NCKAP5: variants seen among roughly 807,000 people sequenced by gnomAD.
The protein encoded by NCKAP5 is NCK associated protein 5.
In NCKAP5, 92 loss-of-function variants were observed where a neutral mutation model predicts 167.0. That is an observed-to-expected ratio of 0.55 (90% CI 0.47 to 0.66). The LOEUF is 0.66. NCKAP5 is among the 30% of genes least tolerant of loss of function. NCKAP5 has a pLI of 0.00. For missense variants in NCKAP5, 2,378 were observed against 2,315.0 expected (o/e 1.03, Z -0.56); for synonymous variants, 891 against 877.4 (o/e 1.02, Z -0.27).
chr2:133,086,942 A>G (rs1478181567), intron 6 of NCKAP5, among the ~76,000 whole-genome samples: 1 of 152,166 alleles, frequency 6.6e-6, no homozygotes, highest in Non-Finnish European at 1.5e-5. Context: ...CAATGCTATC[A>G]TGTTGACATT....
chr2:133,308,725 G>A (rs1440328902), intron 3 of NCKAP5, among the ~76,000 whole-genome samples: 5 of 101,938 alleles, frequency 4.9e-5, no homozygotes, highest in South Asian at 3.4e-4. Flanking sequence ...TTTTTGAGAC[G>A]GAGTCTTGCT....
chr2:133,545,835 A>G (rs1484656452), intron 2 of NCKAP5, among the ~76,000 whole-genome samples: 1 of 152,242 alleles, frequency 6.6e-6, no homozygotes, highest in Non-Finnish European at 1.5e-5. Context: ...TGGCTTAAGC[A>G]TAATCCCAAT....
chr2:133,408,196 T>C (rs1189155056), intron 3 of NCKAP5, among the ~76,000 whole-genome samples: 1 of 152,204 alleles, frequency 6.6e-6, no homozygotes, highest in African/African-American at 2.4e-5. Flanking sequence ...GGCATGATGA[T>C]GATGAGGAGA....
intron 11 of NCKAP5, among the ~76,000 whole-genome samples, chr2:132,859,701 C>T (rs1442239166): frequency 2.0e-5 from 3 of 152,298 alleles, no homozygotes; most frequent in East Asian, 1.9e-4. Context: ...CCCTGTGAAA[C>T]CTCGATGCAG....
At chr2:133,548,639 G>C (rs1686977675) in intron 2 of NCKAP5, among the ~76,000 whole-genome samples, 1 of 151,980 alleles carries the variant, frequency 6.6e-6, no homozygotes, top group Admixed American at 6.6e-5. Flanking sequence ...AGCTTCATAA[G>C]TGAAGGAGAA....
intron 9 of NCKAP5, among the ~76,000 whole-genome samples, chr2:132,876,848 C>A (rs553888769): frequency 6.6e-6 from 1 of 152,116 alleles, no homozygotes; most frequent in Admixed American, 6.5e-5. Flanking sequence ...ATGAAACGTA[C>A]GGAGTGCAGG....
chr2:133,072,432 C>T (rs911843155), intron 6 of NCKAP5, among the ~76,000 whole-genome samples: 2 of 152,084 alleles, frequency 1.3e-5, no homozygotes, highest in African/African-American at 4.8e-5. Context: ...GCCAGCCCTC[C>T]ACCATAACAA....
At chr2:133,526,207 G>A (rs181682025) in intron 2 of NCKAP5, among the ~76,000 whole-genome samples, 3,536 of 134,734 alleles carry the variant, frequency 0.026, 112 homozygotes, top group South Asian at 0.048. Flanking sequence ...AAGGAAGGAA[G>A]GAAGGAAGGA....
At chr2:133,544,552 C>T (rs1227677326) in intron 2 of NCKAP5, among the ~76,000 whole-genome samples, 1 of 152,100 alleles carries the variant, frequency 6.6e-6, no homozygotes, top group Non-Finnish European at 1.5e-5. Flanking sequence ...TTAATGATGA[C>T]TCGGGCTCCA....
chr2:133,394,055 A>G (rs910112356), intron 3 of NCKAP5, among the ~76,000 whole-genome samples: 1 of 152,240 alleles, frequency 6.6e-6, no homozygotes, highest in African/African-American at 2.4e-5. Context: ...ACAAAGACAA[A>G]TTAGACAGAC....
chr2:132,889,591 G>A lies in NCKAP5; in HGVS notation c.580-10675C>T, dbSNP rs150572898. Among the ~76,000 whole-genome samples the A allele has an allele frequency of 1.5e-3, 222 of 152,078 alleles. 1 individual carries two copies. The highest frequency in any genetic ancestry group is 5.2e-3 in the African/African-American group (214 of 41,478). ...CAGATGAGGTAGGAAAGAGGTGACCGACCCTTGAATCAGTCTACTCAACAG... is the reference window on the plus strand; with the variant it reads ...CAGATGAGGTAGGAAAGAGGTGACCAACCCTTGAATCAGTCTACTCAACAG... On this transcript the variant is annotated intron_variant, in intron 8 of 19. Transcript: ENST00000409261.
At chr2:132,853,065 T>C (rs2105493298) in intron 11 of NCKAP5, among the ~76,000 whole-genome samples, 2 of 152,316 alleles carry the variant, frequency 1.3e-5, no homozygotes, top group South Asian at 4.1e-4. Context: ...CCCATGAATA[T>C]GATTGTGCAG....
At chr2:133,662,530 A>C in the NCKAP5 span, among the ~76,000 whole-genome samples, 2 of 150,738 alleles carry the variant, frequency 1.3e-5, no homozygotes, top group African/African-American at 4.9e-5. Flanking sequence ...GAATTAGTAG[A>C]TACAACTATG....
chr2:132,940,880 A>G (rs1170547251), intron 8 of NCKAP5, among the ~76,000 whole-genome samples: 2 of 151,974 alleles, frequency 1.3e-5, no homozygotes, highest in East Asian at 3.8e-4. Context: ...TGATAATTAT[A>G]TTATCAATTA....
At chr2:133,156,601 A>G (rs561264319) in intron 5 of NCKAP5, among the ~76,000 whole-genome samples, 2 of 152,274 alleles carry the variant, frequency 1.3e-5, no homozygotes, top group African/African-American at 4.8e-5. Flanking sequence ...CTGCTAACAT[A>G]CTGAGTATTG....
intron 16 of NCKAP5, among the ~76,000 whole-genome samples, chr2:132,737,317 G>A (rs759474318): frequency 2.4e-4 from 36 of 152,140 alleles, no homozygotes; most frequent in Non-Finnish European, 5.1e-4. Context: ...CATATGTTTG[G>A]TATGCAAGGA....
At chr2:132,682,613 A>C (rs1301783283) in intron 19 of NCKAP5, among the ~76,000 whole-genome samples, 1 of 152,214 alleles carries the variant, frequency 6.6e-6, no homozygotes, top group Non-Finnish European at 1.5e-5. Context: ...TCATCTACCC[A>C]GTCTGCTCTT....
chr2:133,228,318 A>C (rs1440601822), intron 4 of NCKAP5, among the ~76,000 whole-genome samples: 1 of 152,182 alleles, frequency 6.6e-6, no homozygotes, highest in Non-Finnish European at 1.5e-5. Context: ...ACCTGTAGCA[A>C]AAAAATAACC....
At chr2:133,398,013 G>C (rs1034070364) in intron 3 of NCKAP5, among the ~76,000 whole-genome samples, 1 of 152,072 alleles carries the variant, frequency 6.6e-6, no homozygotes, top group Non-Finnish European at 1.5e-5. Flanking sequence ...GGAGAAAACT[G>C]TAGTCAAGCA....
Sources: gnomAD v4.1 joint callset for allele counts (sites outside exome capture counted in the v4.1 genomes callset) on GRCh38, gnomAD v4.1.1 for gene constraint, MANE v1.5 for transcripts, NCBI Gene and HGNC (gene_info 2026-07-23, HGNC 2026-07-21) for gene names.